Variants in CCL17 observed in about 807,000 individuals in gnomAD.
The protein encoded by CCL17 is C-C motif chemokine 17.
In CCL17, 8 loss-of-function variants were observed where a neutral mutation model predicts 7.4. The observed-to-expected ratio is 1.09, with a 90% confidence interval of 0.64 to 1.96. The LOEUF (loss-of-function observed/expected upper bound fraction) is 1.96, where lower values mean the gene tolerates loss of function less well. Ranked by LOEUF, CCL17 falls within the 30% of genes most tolerant of loss-of-function variation. CCL17 has a pLI of 0.00. For missense variants in CCL17, 102 were observed against 113.0 expected (o/e 0.90, Z 0.44); for synonymous variants, 40 against 46.1 (o/e 0.87, Z 0.54).
chr16:57,414,106 C>A, intron 2 of CCL17, 104 bp downstream of exon 2: 1 of 749,312 alleles, frequency 1.3e-6, no homozygotes, highest in Non-Finnish European at 2.1e-6. Flanking sequence ...TATTTACACC[C>A]CACCTACTCC....
upstream of CCL17, among the ~76,000 whole-genome samples, chr16:57,403,164 ATT>A (rs1491203634): frequency 1.3e-5 from 1 of 79,806 alleles, no homozygotes; most frequent in Non-Finnish European, 2.2e-5. Context: ...TATAATATAT[ATT>A]ATTATCTATA....
the CCL17 span, among the ~76,000 whole-genome samples, chr16:57,398,505 C>T: frequency 6.6e-6 from 1 of 152,112 alleles, no homozygotes; most frequent in African/African-American, 2.4e-5. Flanking sequence ...TCTGGGTCTC[C>T]TTGATTAGAG....
chr16:57,402,018 A>G (rs1282964196), upstream of CCL17, among the ~76,000 whole-genome samples: 1 of 152,266 alleles, frequency 6.6e-6, no homozygotes, highest in Non-Finnish European at 1.5e-5. Flanking sequence ...CAGGCAAGGC[A>G]GAAAGGAAGG....
chr16:57,415,895 G>A lies in CCL17; in HGVS notation c.*34G>A, dbSNP rs754957215. On this transcript the variant is annotated 3_prime_UTR_variant, in exon 4 of 4. Transcript: ENST00000219244. The surrounding 1 kb of genome is among the most constrained non-coding windows in gnomAD (Gnocchi z 4.5). ...CACCCCAGACTCCTGACTGTCTCCCGGGACTACCTGGGACCTCCACCGTTG... is the reference window on the plus strand; with the variant it reads ...CACCCCAGACTCCTGACTGTCTCCCAGGACTACCTGGGACCTCCACCGTTG... 9.8e-6 allele frequency: 13 copies of A among 1,324,770 alleles called. No homozygotes were observed. Among genetic ancestry groups the A allele is most frequent in the African/African-American group, 1.4e-5 (1 of 69,180 alleles). 82.1% of individuals were successfully genotyped at this position (1,324,770 alleles called of 1,614,324 possible).
At chr16:57,397,253 T>A in the CCL17 span, among the ~76,000 whole-genome samples, 1 of 152,226 alleles carries the variant, frequency 6.6e-6, no homozygotes, top group Non-Finnish European at 1.5e-5. Flanking sequence ...CGGAGGAGAT[T>A]TGGCCCTGTA....
chr16:57,404,147 A>G (rs1220370527), upstream of CCL17, among the ~76,000 whole-genome samples: 2 of 152,126 alleles, frequency 1.3e-5, no homozygotes, highest in Non-Finnish European at 2.9e-5. Context: ...AGGTGGGCAG[A>G]GAGCAGGGCA....
intron 1 of CCL17, among the ~76,000 whole-genome samples, chr16:57,409,992 G>T (rs1902758222): frequency 6.6e-6 from 1 of 152,206 alleles, no homozygotes. Context: ...CCTCGGGCAA[G>T]TCACTGCCCT....
At chr16:57,396,976 C>T in the CCL17 span, among the ~76,000 whole-genome samples, 1 of 152,164 alleles carries the variant, frequency 6.6e-6, no homozygotes, top group Non-Finnish European at 1.5e-5. Context: ...AAGCCCAAAT[C>T]TAGGAATTAT....
chr16:57,410,513 C>T (rs1299877037), intron 1 of CCL17, among the ~76,000 whole-genome samples: 1 of 152,200 alleles, frequency 6.6e-6, no homozygotes, highest in Non-Finnish European at 1.5e-5. Context: ...CCCTGCTGCC[C>T]CTCCACAAAG....
upstream of CCL17, among the ~76,000 whole-genome samples, chr16:57,403,353 A>AAT (rs1200579707): frequency 1.7e-4 from 4 of 23,686 alleles, no homozygotes; most frequent in African/African-American, 1.2e-3. Context: ...TAATATATAT[A>AAT]ATATATATAT....
intron 1 of CCL17, 45 bp from the exon 2 acceptor site, chr16:57,413,829 C>T (rs1902822676): frequency 2.1e-6 from 2 of 935,266 alleles, no homozygotes; most frequent in Admixed American, 2.4e-5. Context: ...GGGCAAGACC[C>T]CCAAAGAGGT....
chr16:57,410,288 G>A (rs1272056156), intron 1 of CCL17, among the ~76,000 whole-genome samples: 9 of 152,320 alleles, frequency 5.9e-5, no homozygotes, highest in African/African-American at 2.2e-4. Context: ...GGCTAAAGCC[G>A]AGTTGGGTGT....
chr16:57,396,871 G>A, the CCL17 span, among the ~76,000 whole-genome samples: 22 of 152,282 alleles, frequency 1.4e-4, no homozygotes, highest in Non-Finnish European at 2.4e-4. Flanking sequence ...GACAGTATTC[G>A]TGGTTGCAGG....
the CCL17 span, among the ~76,000 whole-genome samples, chr16:57,399,133 T>C: frequency 6.6e-6 from 1 of 152,156 alleles, no homozygotes; most frequent in Non-Finnish European, 1.5e-5. Context: ...GAGTCTAAGA[T>C]CTTGCATCAG....
chr16:57,403,627 ATT>A (rs1491100446), upstream of CCL17, among the ~76,000 whole-genome samples: 5 of 75,282 alleles, frequency 6.6e-5, no homozygotes, highest in Admixed American at 1.2e-3. Flanking sequence ...TATAATATAT[ATT>A]ATATATATTA....
At chr16:57,402,247 G>A (rs1488600533), upstream of CCL17, among the ~76,000 whole-genome samples, 3 of 150,038 alleles carry the variant, frequency 2.0e-5, no homozygotes, top group African/African-American at 7.6e-5. Flanking sequence ...GGCATTGTGC[G>A]ACGTGTCAAA....
upstream of CCL17, among the ~76,000 whole-genome samples, chr16:57,403,448 T>G (rs1482716735): frequency 9.4e-5 from 1 of 10,656 alleles, no homozygotes; most frequent in African/African-American, 4.3e-4. Flanking sequence ...ATATATATAT[T>G]ATATTATAAT....
At chr16:57,414,221 G>A (rs1902830705) in intron 2 of CCL17, among the ~76,000 whole-genome samples, 1 of 152,020 alleles carries the variant, frequency 6.6e-6, no homozygotes, top group Admixed American at 6.6e-5. Flanking sequence ...GGCTTGGTGA[G>A]GACCAAGGCG....
chr16:57,397,444 TGGAGAG>T, the CCL17 span, among the ~76,000 whole-genome samples: 1 of 152,228 alleles, frequency 6.6e-6, no homozygotes, highest in African/African-American at 2.4e-5. Flanking sequence ...CTTAATCTCT[TGGAGAG>T]GGTTGTTCCA....
Sources: allele counts gnomAD v4.1 joint callset (sites outside exome capture counted in the v4.1 genomes callset), GRCh38; gene constraint gnomAD v4.1.1; non-coding constraint Gnocchi (gnomAD v3.1); transcripts MANE v1.5; gene names NCBI Gene and HGNC (gene_info 2026-07-23, HGNC 2026-07-21).